Variants in GABRA2 observed in about 807,000 individuals in gnomAD.
GABRA2 encodes the protein gamma-aminobutyric acid receptor subunit alpha-2.
In GABRA2, 16 loss-of-function variants were observed where a neutral mutation model predicts 48.7. The ratio of observed to expected loss-of-function variants is 0.33; its 90% CI spans 0.22 to 0.50. GABRA2 has a LOEUF of 0.50. Ranked by LOEUF, GABRA2 falls within the 20% of genes least tolerant of loss-of-function variation. The probability of loss-of-function intolerance (pLI) is 0.98; values close to 1 mark genes in which losing one functional copy is unlikely to be tolerated. For synonymous variants in GABRA2, 185 were observed against 184.5 expected, an observed-to-expected ratio of 1.00 and a Z score of -0.02; for missense variants, 275 against 535.6, an observed-to-expected ratio of 0.51 and a Z score of 4.80.
chr4:46,315,940 T>C (rs376277495), intron 4 of GABRA2, among the ~76,000 whole-genome samples: 137 of 149,658 alleles, frequency 9.2e-4, no homozygotes, highest in East Asian at 3.2e-3. Context: ...TTAGTACATA[T>C]ATACACACAC....
chr4:46,317,232 G>T (rs1246459246), intron 4 of GABRA2, among the ~76,000 whole-genome samples: 1 of 151,844 alleles, frequency 6.6e-6, no homozygotes, highest in Admixed American at 6.6e-5. Flanking sequence ...TTATAACTTA[G>T]TAAATGTAAC....
At chr4:46,345,572 C>T (rs770342674) in intron 3 of GABRA2, among the ~76,000 whole-genome samples, 1 of 151,832 alleles carries the variant, frequency 6.6e-6, no homozygotes, top group African/African-American at 2.4e-5. Flanking sequence ...GCATGTTCCA[C>T]GTCACTCCCC....
intron 3 of GABRA2, among the ~76,000 whole-genome samples, chr4:46,383,415 G>A (rs1717026508): frequency 6.6e-6 from 1 of 152,066 alleles, no homozygotes; most frequent in Admixed American, 6.5e-5. Flanking sequence ...AGCCAGATAT[G>A]GGTAGTCCCA....
At position 46,389,040 on chromosome 4, in the gene GABRA2, G is replaced by T. The variant is rs112819860; in HGVS notation, c.-10-324C>A. The T allele has an allele frequency of 4.1e-6, 4 of 981,546 alleles. No homozygotes were observed. In the East Asian group the frequency reaches 2.6e-4, roughly 63 times the overall value. 60.8% of individuals were successfully genotyped at this position (981,546 alleles called of 1,614,324 possible). A position where few individuals can be genotyped will look rare whatever the true frequency, so the allele number is the denominator to read the frequency against. On this transcript the variant is annotated intron_variant, in intron 1 of 9. Transcript: ENST00000381620. ...TCAGCAAACACTGTTTTGCGCACACGTAATAATAACACCCTGGACTTTAAA... is the reference window on the plus strand; with the variant it reads ...TCAGCAAACACTGTTTTGCGCACACTTAATAATAACACCCTGGACTTTAAA...
chr4:46,363,287 G>A (rs958491497), intron 3 of GABRA2, among the ~76,000 whole-genome samples: 1 of 152,182 alleles, frequency 6.6e-6, no homozygotes. Flanking sequence ...CAGGCGATAA[G>A]TAAGCATTAA....
intron 8 of GABRA2, among the ~76,000 whole-genome samples, chr4:46,282,524 T>C (rs985551674): frequency 3.3e-5 from 5 of 152,210 alleles, no homozygotes; most frequent in African/African-American, 1.2e-4. Context: ...CACACTAGCA[T>C]AATTTGCTTA....
At chr4:46,265,432 A>G (rs1717961623) in intron 8 of GABRA2, among the ~76,000 whole-genome samples, 1 of 144,512 alleles carries the variant, frequency 6.9e-6, no homozygotes, top group Non-Finnish European at 1.5e-5. Context: ...TTGTGTATAT[A>G]TATATAATAT....
chr4:46,381,437 C>T (rs1413240645), intron 3 of GABRA2, among the ~76,000 whole-genome samples: 1 of 152,066 alleles, frequency 6.6e-6, no homozygotes, highest in East Asian at 1.9e-4. Context: ...TGAGGCAATG[C>T]CATGTCAATT....
Position 46,327,542 on chromosome 4 carries a change from T to A in GABRA2, c.255+5073A>T, listed in dbSNP as rs141529799. Among the ~76,000 whole-genome samples the A allele has an allele frequency of 1.6e-4, 24 of 152,108 alleles. No homozygotes were observed. The East Asian group carries it at 4.3e-3, about 27-fold the overall frequency. ...TTTGATACAAAGGGTTTGCCATGTTTGTCACAGGTTTTCTTAATGAACTAC... is the reference window on the plus strand; with the variant it reads ...TTTGATACAAAGGGTTTGCCATGTTAGTCACAGGTTTTCTTAATGAACTAC... On this transcript the variant is annotated intron_variant, in intron 4 of 9. Coordinates refer to ENST00000381620, the MANE Select transcript of GABRA2 (RefSeq NM_000807.4).
In GABRA2 at chr4:46,246,019, T is replaced by G. The variant is rs929932120; in HGVS notation, c.*4289A>C. 3.3e-5 allele frequency among the ~76,000 whole-genome samples: 5 copies of G among 151,174 alleles called. No individual in the cohort carries two copies. The highest frequency in any genetic ancestry group is 1.2e-4 in the African/African-American group (5 of 41,348). On this transcript the variant is annotated 3_prime_UTR_variant, in exon 10 of 10. Coordinates refer to ENST00000381620, the MANE Select transcript of GABRA2 (RefSeq NM_000807.4). ...AAACAAAATTATGATATATAATATT[T>G]ATAAGTAGATATTGAATAATTTACC...
intron 3 of GABRA2, among the ~76,000 whole-genome samples, chr4:46,343,692 G>A (rs1271849917): frequency 6.6e-6 from 1 of 151,906 alleles, no homozygotes; most frequent in Non-Finnish European, 1.5e-5. Context: ...TGTATAATAT[G>A]TATAACTCAA....
chr4:46,347,275 G>T (rs528032876), intron 3 of GABRA2, among the ~76,000 whole-genome samples: 2 of 151,786 alleles, frequency 1.3e-5, no homozygotes, highest in East Asian at 1.9e-4. Context: ...AAAATATCTT[G>T]AATAGCCAAA....
intron 5 of GABRA2, among the ~76,000 whole-genome samples, chr4:46,311,742 C>T (rs1727677759): frequency 6.6e-6 from 1 of 152,138 alleles, no homozygotes; most frequent in African/African-American, 2.4e-5. Context: ...TTAAATGAAG[C>T]TTTCTCTCTG....
Position 46,336,007 on chromosome 4 carries a change from C to T in GABRA2, c.188-3325G>A, listed in dbSNP as rs528584022. On this transcript the variant is annotated intron_variant, in intron 3 of 9. Coordinates refer to ENST00000381620, the MANE Select transcript of GABRA2 (RefSeq NM_000807.4). The stretch of plus-strand genomic sequence containing the variant: ...TTTCAACTTTGCCTTTATTTTAATG[C>T]CTTAATATATTCTTCTTGCTTTTTG... Among the ~76,000 whole-genome samples, 39 of 152,066 alleles carry T rather than the reference C, an allele frequency of 2.6e-4. No homozygotes were observed. The South Asian group carries it at 7.7e-3, about 30-fold the overall frequency.
intron 8 of GABRA2, among the ~76,000 whole-genome samples, chr4:46,265,954 T>C (rs1017631446): frequency 6.6e-6 from 1 of 152,052 alleles, no homozygotes; most frequent in Non-Finnish European, 1.5e-5. Flanking sequence ...TCTTGTTTAA[T>C]GTTTACATAT....
chr4:46,330,243 T>A, intron 4 of GABRA2, among the ~76,000 whole-genome samples: 1 of 151,986 alleles, frequency 6.6e-6, no homozygotes, highest in East Asian at 1.9e-4. Context: ...TGCTAAAAAA[T>A]TTTAAAGTTC....
intron 5 of GABRA2, among the ~76,000 whole-genome samples, chr4:46,310,508 G>T (rs1202991881): frequency 6.6e-6 from 1 of 152,074 alleles, no homozygotes; most frequent in African/African-American, 2.4e-5. Context: ...AAGAAGTGAA[G>T]AAATTACATA....
At chr4:46,361,771 G>A (rs769464262) in intron 3 of GABRA2, among the ~76,000 whole-genome samples, 4 of 152,218 alleles carry the variant, frequency 2.6e-5, no homozygotes, top group Admixed American at 6.5e-5. Flanking sequence ...GCCATGGGCC[G>A]AGCTGCCCAA....
chr4:46,341,560 C>A (rs192090901), intron 3 of GABRA2, among the ~76,000 whole-genome samples: 46 of 152,058 alleles, frequency 3.0e-4, no homozygotes, highest in African/African-American at 1.1e-3. Flanking sequence ...ATGCTTTGAA[C>A]CAATAAGTTT....
Sources: allele counts gnomAD v4.1 joint callset (sites outside exome capture counted in the v4.1 genomes callset), GRCh38; gene constraint gnomAD v4.1.1; transcripts MANE v1.5; gene names NCBI Gene and HGNC (gene_info 2026-07-23, HGNC 2026-07-21).